Variants in DOCK5 observed in about 807,000 individuals in gnomAD.
DOCK5 encodes dedicator of cytokinesis 5, also known as dedicator of cytokinesis protein 5.
A neutral mutation model predicts 251.8 loss-of-function variants in DOCK5; 142 were observed. That is an observed-to-expected ratio of 0.56 (90% CI 0.49 to 0.65). The LOEUF is 0.65. Among genes scored for constraint, DOCK5 ranks in the 30% least tolerant of loss-of-function variants. The probability of loss-of-function intolerance (pLI) is 0.00; values close to 1 mark genes in which losing one functional copy is unlikely to be tolerated. For missense variants in DOCK5, 2,111 were observed against 2,312.3 expected (o/e 0.91, Z 1.79); for synonymous variants, 842 against 835.5 (o/e 1.01, Z -0.13).
At chr8:25,243,878 AT>A (rs1197709850) in intron 2 of DOCK5, 121 bp downstream of exon 2, 88 of 948,546 alleles carry the variant, frequency 9.3e-5, no homozygotes, top group Non-Finnish European at 1.3e-4. Flanking sequence ...GCTAGTAAAA[AT>A]TCAGGAAGTA....
intron 6 of DOCK5, 138 bp from the exon 7 acceptor site, chr8:25,296,375 T>G: frequency 9.1e-7 from 1 of 1,095,298 alleles, no homozygotes; most frequent in Non-Finnish European, 1.3e-6. Flanking sequence ...ATGAGAAAAG[T>G]CAATGAGGTG....
At chr8:25,339,285 A>G (rs182436776) in intron 22 of DOCK5, among the ~76,000 whole-genome samples, 1 of 152,214 alleles carries the variant, frequency 6.6e-6, no homozygotes, top group African/African-American at 2.4e-5. Context: ...ATTGCTCCCA[A>G]TAGGATGTTG....
intron 42 of DOCK5, among the ~76,000 whole-genome samples, chr8:25,391,484 A>C (rs546631045): frequency 6.6e-6 from 1 of 152,060 alleles, no homozygotes; most frequent in African/African-American, 2.4e-5. Flanking sequence ...AAAAATACAA[A>C]AAAATTAGCC....
intron 11 of DOCK5, among the ~76,000 whole-genome samples, chr8:25,306,729 T>C (rs1288678039): frequency 6.6e-6 from 1 of 151,970 alleles, no homozygotes; most frequent in Admixed American, 6.5e-5. Flanking sequence ...AATAAATAAA[T>C]AAATATGTTG....
At chr8:25,241,890 A>T (rs911216400) in intron 1 of DOCK5, among the ~76,000 whole-genome samples, 1 of 152,134 alleles carries the variant, frequency 6.6e-6, no homozygotes, top group Non-Finnish European at 1.5e-5. Context: ...ATTCTCAGCA[A>T]AGTAACACAG....
At chr8:25,325,686 C>A (rs970205459) in intron 18 of DOCK5, 139 bp downstream of exon 18, 1 of 998,862 alleles carries the variant, frequency 1.0e-6, no homozygotes, top group Non-Finnish European at 1.4e-6. Context: ...CTGCTCTCTG[C>A]TTTTCAAGTG....
chr8:25,277,835 C>G (rs959533134), intron 4 of DOCK5, among the ~76,000 whole-genome samples: 1 of 152,194 alleles, frequency 6.6e-6, no homozygotes, highest in Non-Finnish European at 1.5e-5. Flanking sequence ...ACCAGAAATT[C>G]AAACTTAACT....
At chr8:25,356,896 C>G (rs2956655) in intron 27 of DOCK5, among the ~76,000 whole-genome samples, 2 of 144,098 alleles carry the variant, frequency 1.4e-5, no homozygotes, top group Non-Finnish European at 3.0e-5. Context: ...TTAAATCCCT[C>G]TATATGAAGA....
intron 5 of DOCK5, among the ~76,000 whole-genome samples, chr8:25,281,889 G>GAAAAAAAAAAAAAAAAAAAAA (rs57465549): frequency 7.9e-6 from 1 of 127,134 alleles, no homozygotes; most frequent in Non-Finnish European, 1.6e-5. Context: ...AAAAAAAAAA[G>GAAAAAAAAAAAAAAAAAAAAA]AAAAAAAAAA....
intron 2 of DOCK5, among the ~76,000 whole-genome samples, chr8:25,245,042 C>G (rs1803062668): frequency 6.6e-6 from 1 of 152,174 alleles, no homozygotes; most frequent in South Asian, 2.1e-4. Flanking sequence ...AACCACAGCT[C>G]TTCCAATCTT....
intron 1 of DOCK5, among the ~76,000 whole-genome samples, chr8:25,213,327 A>C (rs1362297056): frequency 6.6e-6 from 1 of 150,720 alleles, no homozygotes; most frequent in Admixed American, 6.6e-5. Flanking sequence ...GTTTCACAGG[A>C]AAGTCAGGAG....
Position 25,336,340 on chromosome 8 carries a change from G to A in DOCK5, c.2294G>A (p.Arg765Lys). The change falls in exon 22 of 52, where the codon AGA becomes AAA. Residue 765 changes from arginine (R) to lysine (K), a missense_variant. Arg to Lys is a conservative substitution (Grantham distance 26). Coordinates refer to ENST00000276440, the MANE Select transcript of DOCK5 (RefSeq NM_024940.8). The stretch of plus-strand genomic sequence containing the variant: ...TTGAAAGCCTTGAAGTACTTGTTTA[G>A]ATTCATCATCCAATCCCGAGTGCTC... ...AALKALKYLFRFIIQSRVLYL... is the reference protein window; with the variant it reads ...AALKALKYLFKFIIQSRVLYL... 6.2e-7 allele frequency: 1 copy of A among 1,613,944 alleles called. No individual in the cohort carries two copies. The highest frequency in any genetic ancestry group is 2.2e-5 in the East Asian group (1 of 44,886).
intron 9 of DOCK5, 114 bp from the exon 10 acceptor site, chr8:25,302,211 G>A: frequency 7.3e-7 from 1 of 1,368,080 alleles, no homozygotes. Context: ...TAATACTTCA[G>A]CATTGAGAAA....
intron 28 of DOCK5, among the ~76,000 whole-genome samples, chr8:25,359,436 G>T (rs1370028691): frequency 2.6e-5 from 4 of 152,176 alleles, no homozygotes; most frequent in Admixed American, 6.5e-5. Flanking sequence ...CTAAGACGTG[G>T]TTGATACCAT....
At chr8:25,237,839 C>T (rs1464257877) in intron 1 of DOCK5, among the ~76,000 whole-genome samples, 1 of 152,116 alleles carries the variant, frequency 6.6e-6, no homozygotes. Flanking sequence ...GGCGTTAGAA[C>T]CAGAGGGCTC....
intron 30 of DOCK5, among the ~76,000 whole-genome samples, chr8:25,366,265 C>A (rs750833639): frequency 3.3e-5 from 5 of 152,144 alleles, no homozygotes; most frequent in Non-Finnish European, 5.9e-5. Flanking sequence ...CCAAGGCGGG[C>A]AGATCACCTG....
chr8:25,373,886 G>T (rs921979165), intron 36 of DOCK5, among the ~76,000 whole-genome samples: 1 of 152,192 alleles, frequency 6.6e-6, no homozygotes, highest in Admixed American at 6.5e-5. Context: ...TCAGGGGAAG[G>T]ATAGACAACT....
chr8:25,271,079 A>G, intron 3 of DOCK5: 1 of 400,586 alleles, frequency 2.5e-6, no homozygotes, highest in East Asian at 3.5e-5. Flanking sequence ...GTATATAAAA[A>G]TCAGTCTAGC....
intron 18 of DOCK5, among the ~76,000 whole-genome samples, chr8:25,328,986 C>T (rs1805624282): frequency 6.6e-6 from 1 of 152,184 alleles, no homozygotes; most frequent in African/African-American, 2.4e-5. Flanking sequence ...GAAAGCAGCT[C>T]TTTGTAGCTC....
Sources: allele counts gnomAD v4.1 joint callset (sites outside exome capture counted in the v4.1 genomes callset), GRCh38; gene constraint gnomAD v4.1.1; transcripts MANE v1.5; gene names NCBI Gene and HGNC (gene_info 2026-07-23, HGNC 2026-07-21).